Variants in MEGF11 observed in about 807,000 individuals in gnomAD.
MEGF11 encodes multiple EGF like domains 11.
Under a neutral mutation model 146.6 loss-of-function variants are expected in MEGF11, and 126 were observed. The observed-to-expected ratio is 0.86, with a 90% CI of 0.74 to 1.00. The LOEUF (loss-of-function observed/expected upper bound fraction) is 1.00, where lower values mean the gene tolerates loss of function less well. Among genes scored for constraint, MEGF11 ranks in the 50% least tolerant of loss-of-function variants. The probability of loss-of-function intolerance (pLI) is 0.00; values close to 1 mark genes in which losing one functional copy is unlikely to be tolerated. For synonymous variants in MEGF11, 532 were observed against 583.4 expected (o/e 0.91, Z 1.27); for missense variants, 1,509 against 1,521.2 (o/e 0.99, Z 0.13).
chr15:65,902,193 G>A (rs188465413), intron 24 of MEGF11: 4 of 152,304 alleles, frequency 2.6e-5, no homozygotes, highest in East Asian at 1.9e-4. Flanking sequence ...AAAGAACCTC[G>A]GCCAGTTGAT....
At chr15:66,186,016 C>T (rs2141170231) in intron 1 of MEGF11, among the ~76,000 whole-genome samples, 1 of 152,288 alleles carries the variant, frequency 6.6e-6, no homozygotes, top group Non-Finnish European at 1.5e-5. Context: ...ACTTCAGCAG[C>T]TACTGGGGAG....
At chr15:66,144,189 G>A (rs1292571615) in intron 1 of MEGF11, among the ~76,000 whole-genome samples, 2 of 152,274 alleles carry the variant, frequency 1.3e-5, no homozygotes, top group East Asian at 3.9e-4. Flanking sequence ...TCTCAATGCT[G>A]TGACCTCATT....
At position 66,214,502 on chromosome 15, in the gene MEGF11, C is replaced by A. The variant is rs374928505; in HGVS notation, c.-9+39103G>T. 1.4e-4 allele frequency among the ~76,000 whole-genome samples: 22 copies of A among 152,294 alleles called. 1 individual carries two copies. The East Asian group carries it at 2.9e-3, about 20-fold the overall frequency. On this transcript the variant is annotated intron_variant, in intron 1 of 25. Coordinates refer to ENST00000395614, the MANE Select transcript of MEGF11 (RefSeq NM_001385028.1). ...GAAGCCCTTGCTTTCCTGGCTGAGG[C>A]CTGTGCAGCAGCAGCTGGAATGACA...
chr15:65,957,474 G>C, intron 10 of MEGF11, 73 bp downstream of exon 10: 1 of 1,449,198 alleles, frequency 6.9e-7, no homozygotes, highest in Middle Eastern at 2.4e-4. Flanking sequence ...CCACAGTCCT[G>C]ATTGCACCAG....
At chr15:66,179,947 G>C (rs981367645) in intron 1 of MEGF11, among the ~76,000 whole-genome samples, 2 of 151,848 alleles carry the variant, frequency 1.3e-5, no homozygotes, top group Admixed American at 6.6e-5. Context: ...ACCAGGCAAG[G>C]GTTTACCAAG....
chr15:65,945,743 C>A (rs1306349589), intron 10 of MEGF11, among the ~76,000 whole-genome samples: 2 of 152,152 alleles, frequency 1.3e-5, no homozygotes, highest in African/African-American at 4.8e-5. Flanking sequence ...TGCCTGATTC[C>A]CCCATCATTT....
chr15:66,024,929 G>C (rs567085947), intron 5 of MEGF11, among the ~76,000 whole-genome samples: 58 of 152,264 alleles, frequency 3.8e-4, no homozygotes, highest in Middle Eastern at 3.4e-3. Context: ...TGGAGTGGGA[G>C]CTGTGGTGTG....
chr15:66,246,929 C>T (rs754100094), intron 1 of MEGF11, among the ~76,000 whole-genome samples: 10 of 152,106 alleles, frequency 6.6e-5, no homozygotes, highest in East Asian at 5.8e-4. Context: ...GGAGTCACTG[C>T]GGCCTCCCTC....
intron 4 of MEGF11, among the ~76,000 whole-genome samples, chr15:66,099,178 C>T (rs1294837076): frequency 1.4e-5 from 2 of 146,118 alleles, no homozygotes; most frequent in African/African-American, 2.5e-5. Context: ...AAGAGCCACT[C>T]CCCATCCCTC....
intron 1 of MEGF11, among the ~76,000 whole-genome samples, chr15:66,166,983 C>T (rs1341760205): frequency 6.6e-6 from 1 of 152,192 alleles, no homozygotes; most frequent in African/African-American, 2.4e-5. Flanking sequence ...CCTATCCTTC[C>T]TCCCCTGGAC....
intron 5 of MEGF11, 63 bp downstream of exon 5, chr15:66,094,339 A>G: frequency 7.1e-7 from 1 of 1,415,582 alleles, no homozygotes; most frequent in Non-Finnish European, 9.7e-7. Flanking sequence ...TGCACACACC[A>G]CAACCCACTC....
chr15:66,101,335 C>G (rs2086799344), intron 4 of MEGF11, among the ~76,000 whole-genome samples: 1 of 152,166 alleles, frequency 6.6e-6, no homozygotes, highest in Admixed American at 6.5e-5. Context: ...CCCTGCCCTC[C>G]CCACACTGGG....
At chr15:65,985,426 C>T (rs1401809855) in intron 5 of MEGF11, among the ~76,000 whole-genome samples, 1 of 152,110 alleles carries the variant, frequency 6.6e-6, no homozygotes, top group African/African-American at 2.4e-5. Flanking sequence ...TGAACCACCA[C>T]AGGATCCAGC....
Position 66,229,292 on chromosome 15 carries a change from C to T in MEGF11, c.-9+24313G>A, listed in dbSNP as rs74968249. Among the ~76,000 whole-genome samples, 521 of 152,090 alleles carry T rather than the reference C, an allele frequency of 3.4e-3. 10 individuals carry two copies. In the East Asian group the frequency reaches 0.062, roughly 18 times the overall value. On this transcript the variant is annotated intron_variant, in intron 1 of 25. Coordinates refer to ENST00000395614, the MANE Select transcript of MEGF11 (RefSeq NM_001385028.1). The stretch of plus-strand genomic sequence containing the variant: ...GGTATGCTTCCCCAGCCCCAATGCG[C>T]ACCAGGGCCAGAGCAGGACTGTCCA...
intron 5 of MEGF11, among the ~76,000 whole-genome samples, chr15:66,015,337 C>T (rs1349766855): frequency 2.0e-5 from 3 of 152,190 alleles, no homozygotes; most frequent in African/African-American, 4.8e-5. Context: ...AAGTTGCTCT[C>T]GGCTAGATCT....
In MEGF11 at chr15:66,137,712, C is replaced by A. The variant is rs575866448; in HGVS notation, c.-8-9301G>T. ...GGGACCACAGGTTCACACTACGACA[C>A]CTGGCTTTTTTTTTTCTCTTAGAGA... On this transcript the variant is annotated intron_variant, in intron 1 of 25. Coordinates refer to ENST00000395614, the MANE Select transcript of MEGF11 (RefSeq NM_001385028.1). Among the ~76,000 whole-genome samples, 49 of 152,024 alleles carry A rather than the reference C, an allele frequency of 3.2e-4. 1 individual carries two copies. In the South Asian group the frequency reaches 9.4e-3, roughly 29 times the overall value.
At chr15:66,150,165 T>C (rs536818492) in intron 1 of MEGF11, among the ~76,000 whole-genome samples, 2 of 152,326 alleles carry the variant, frequency 1.3e-5, no homozygotes, top group African/African-American at 4.8e-5. Flanking sequence ...TTGAAAGCTG[T>C]GGTCCCTCCA....
At chr15:66,075,561 T>C (rs1344353440) in intron 5 of MEGF11, among the ~76,000 whole-genome samples, 2 of 152,210 alleles carry the variant, frequency 1.3e-5, no homozygotes, top group African/African-American at 4.8e-5. Context: ...TCCTGTGAGC[T>C]TACAGCAGCA....
Position 66,194,300 on chromosome 15 carries a change from A to C in MEGF11, c.-9+59305T>G, listed in dbSNP as rs115262668. ...CATAAATGGGAGCTAAGCTGTGAGGACACAAAGGCATAAGAATGATAGAAT... is the reference window on the plus strand; with the variant it reads ...CATAAATGGGAGCTAAGCTGTGAGGCCACAAAGGCATAAGAATGATAGAAT... On this transcript the variant is annotated intron_variant, in intron 1 of 25. Transcript: ENST00000395614. 3.1e-3 allele frequency among the ~76,000 whole-genome samples: 474 copies of C among 152,300 alleles called. 3 individuals carry two copies. Among genetic ancestry groups the C allele is most frequent in the African/African-American group, 0.011 (470 of 41,558 alleles).
Sources: gnomAD v4.1 joint callset for allele counts (sites outside exome capture counted in the v4.1 genomes callset) on GRCh38, gnomAD v4.1.1 for gene constraint, MANE v1.5 for transcripts, NCBI Gene and HGNC (gene_info 2026-07-23, HGNC 2026-07-21) for gene names.